USP49: variants seen among roughly 807,000 people sequenced by gnomAD.
USP49 encodes ubiquitin carboxyl-terminal hydrolase 49.
In USP49, 24 loss-of-function variants were observed where a neutral mutation model predicts 58.6. That is an observed-to-expected ratio of 0.41 (90% CI 0.30 to 0.58). The LOEUF is 0.58. Ranked by LOEUF, USP49 falls within the 20% of genes least tolerant of loss-of-function variation. The pLI, the probability that USP49 is intolerant of heterozygous loss-of-function variation, is 0.30. For missense variants in USP49, 703 were observed against 866.1 expected, an observed-to-expected ratio of 0.81 and a Z score of 2.36; for synonymous variants, 408 against 365.1, an observed-to-expected ratio of 1.12 and a Z score of -1.34.
chr6:41,800,660 G>C (rs896769915), intron 5 of USP49, among the ~76,000 whole-genome samples: 1 of 152,136 alleles, frequency 6.6e-6, no homozygotes, highest in African/African-American at 2.4e-5. Flanking sequence ...AACTAGTTGT[G>C]TGCTAATGGA....
chr6:41,821,253 T>A (rs929913571), intron 3 of USP49, among the ~76,000 whole-genome samples: 4 of 152,154 alleles, frequency 2.6e-5, no homozygotes, highest in Admixed American at 2.6e-4. Context: ...GTCACAGAGA[T>A]TGCCTGCATC....
chr6:41,810,566 A>G (rs1479751875), intron 3 of USP49, among the ~76,000 whole-genome samples: 1 of 124,082 alleles, frequency 8.1e-6, no homozygotes, highest in Non-Finnish European at 1.7e-5. Flanking sequence ...TTTTTTTTTG[A>G]GACAGAGCCT....
chr6:41,802,448 A>ATTTTTTTTTTTTTTTTTTTTTTTTTT (rs1363216201), intron 5 of USP49, among the ~76,000 whole-genome samples: 1 of 53,336 alleles, frequency 1.9e-5, no homozygotes, highest in African/African-American at 7.4e-5. Flanking sequence ...TTATTTATTT[A>ATTTTTTTTTTTTTTTTTTTTTTTTTT]TTTATTTATT....
chr6:41,812,872 T>C lies in USP49; in HGVS notation c.-28-5861A>G, dbSNP rs1000863839. Among the ~76,000 whole-genome samples, 5 of 152,344 alleles carry C rather than the reference T, an allele frequency of 3.3e-5. No homozygotes were observed. In the East Asian group the frequency reaches 5.8e-4, roughly 18 times the overall value. On this transcript the variant is annotated intron_variant, in intron 3 of 7. Coordinates refer to ENST00000682992, the MANE Select transcript of USP49 (RefSeq NM_001286554.2). ...ATGAGAGGGATATCAATATTTTCTA[T>C]CTGTATATATTCTCTATGTATCATC...
chr6:41,840,328 T>G, intron 3 of USP49, among the ~76,000 whole-genome samples: 1 of 146,606 alleles, frequency 6.8e-6, no homozygotes, highest in Non-Finnish European at 1.5e-5. Context: ...GAGCCGAGAT[T>G]ACACCACTGC....
chr6:41,823,771 T>C (rs1041415188), intron 3 of USP49, among the ~76,000 whole-genome samples: 1 of 152,120 alleles, frequency 6.6e-6, no homozygotes, highest in Non-Finnish European at 1.5e-5. Flanking sequence ...ATTATTGCAG[T>C]GTACTGGTAA....
intron 3 of USP49, among the ~76,000 whole-genome samples, chr6:41,820,324 C>G (rs72867137): frequency 0.017 from 2,605 of 152,178 alleles, 32 homozygotes; most frequent in Non-Finnish European, 0.026. Flanking sequence ...TCAGTCACCC[C>G]TAAAAGTTAC....
intron 5 of USP49, among the ~76,000 whole-genome samples, chr6:41,800,200 A>C (rs1772973960): frequency 6.6e-6 from 1 of 152,192 alleles, no homozygotes; most frequent in Admixed American, 6.5e-5. Flanking sequence ...CTCAGTTGTA[A>C]GGCACATCCC....
chr6:41,882,744 G>A (rs923624390), intron 2 of USP49, among the ~76,000 whole-genome samples: 6 of 151,966 alleles, frequency 3.9e-5, no homozygotes, highest in Admixed American at 6.6e-5. Context: ...GTGAAACCTC[G>A]TCTCTACTAA....
intron 3 of USP49, among the ~76,000 whole-genome samples, chr6:41,841,201 C>T (rs1347681341): frequency 1.3e-5 from 2 of 152,040 alleles, no homozygotes; most frequent in African/African-American, 2.4e-5. Flanking sequence ...ATACTATCCC[C>T]GCAACCCAGA....
chr6:41,877,304 G>A (rs916670955), intron 2 of USP49, among the ~76,000 whole-genome samples: 1 of 152,064 alleles, frequency 6.6e-6, no homozygotes, highest in African/African-American at 2.4e-5. Flanking sequence ...TAATCTAGGT[G>A]GTAAAAATGC....
chr6:41,839,640 T>C (rs1322526930), intron 3 of USP49, among the ~76,000 whole-genome samples: 1 of 151,960 alleles, frequency 6.6e-6, no homozygotes, highest in East Asian at 1.9e-4. Context: ...GTGGAATATA[T>C]ATACCATGGA....
At chr6:41,835,495 C>T (rs558525157) in intron 3 of USP49, among the ~76,000 whole-genome samples, 59 of 152,016 alleles carry the variant, frequency 3.9e-4, no homozygotes, top group African/African-American at 1.3e-3. Context: ...GGGTGGATCA[C>T]GAGGTCAAGA....
intron 3 of USP49, among the ~76,000 whole-genome samples, chr6:41,846,272 G>C (rs568667957): frequency 6.6e-6 from 1 of 151,924 alleles, no homozygotes; most frequent in Non-Finnish European, 1.5e-5. Context: ...AGCCAAGATC[G>C]CGCCACTGCA....
At chr6:41,846,038 A>G (rs1218685569) in intron 3 of USP49, among the ~76,000 whole-genome samples, 1 of 152,144 alleles carries the variant, frequency 6.6e-6, no homozygotes, top group African/African-American at 2.4e-5. Flanking sequence ...AATCATGGCC[A>G]GGCACGGTGG....
rs1397129477 is a variant in USP49 at position 41,794,784 on chromosome 6, T to G, written c.*1749A>C. 1 of 152,176 alleles carries G rather than the reference T, an allele frequency of 6.6e-6. No homozygotes were observed. The highest frequency in any genetic ancestry group is 1.9e-4 in the East Asian group (1 of 5,200). The allele number at this position is 152,176 out of a possible 1,614,324, so 9.4% of individuals were successfully genotyped here. Reference sequence around the variant, plus strand: ...AATGCCATACGCTATCGCTTCCAAATAAAAGCTAAATATTACAGAAACCTC... The same window carrying G: ...AATGCCATACGCTATCGCTTCCAAAGAAAAGCTAAATATTACAGAAACCTC... On this transcript the variant is annotated 3_prime_UTR_variant, in exon 8 of 8. Coordinates refer to ENST00000682992, the MANE Select transcript of USP49 (RefSeq NM_001286554.2).
intron 3 of USP49, among the ~76,000 whole-genome samples, chr6:41,862,798 CAG>C (rs1262253832): frequency 6.6e-6 from 1 of 152,134 alleles, no homozygotes; most frequent in Non-Finnish European, 1.5e-5. Context: ...TATTTTGAGA[CAG>C]AGTCACTCTG....
At chr6:41,855,119 T>G (rs907843993) in intron 3 of USP49, among the ~76,000 whole-genome samples, 5 of 152,028 alleles carry the variant, frequency 3.3e-5, no homozygotes, top group African/African-American at 1.2e-4. Flanking sequence ...ATGTCACAAT[T>G]TTCTAGGGAA....
chr6:41,853,310 T>C (rs1435202022), intron 3 of USP49, among the ~76,000 whole-genome samples: 3 of 152,204 alleles, frequency 2.0e-5, no homozygotes, highest in African/African-American at 4.8e-5. Flanking sequence ...TCCATTTATA[T>C]GAGGTATCTA....
Sources: allele counts gnomAD v4.1 joint callset (sites outside exome capture counted in the v4.1 genomes callset), GRCh38; gene constraint gnomAD v4.1.1; transcripts MANE v1.5; gene names NCBI Gene and HGNC (gene_info 2026-07-23, HGNC 2026-07-21).